Variants in PCDHB1 observed in about 807,000 individuals in gnomAD.
PCDHB1 encodes the protein protocadherin beta-1.
A neutral mutation model predicts 43.5 loss-of-function variants in PCDHB1; 44 were observed. The ratio of observed to expected loss-of-function variants is 1.01; its 90% CI spans 0.79 to 1.30. The LOEUF (loss-of-function observed/expected upper bound fraction) is 1.30, where lower values mean the gene tolerates loss of function less well. Ranked by LOEUF, PCDHB1 falls within the 50% of genes most tolerant of loss-of-function variation. The pLI is 0.00. For missense variants in PCDHB1, 919 were observed against 1,008.9 expected (o/e 0.91, Z 1.21); for synonymous variants, 392 against 400.8 (o/e 0.98, Z 0.26).
At position 141,052,122 on chromosome 5, in the gene PCDHB1, G is replaced by T; in HGVS notation, c.652G>T (p.Gly218Trp). 6.2e-7 allele frequency: 1 copy of T among 1,612,584 alleles called. No individual in the cohort carries two copies. Among genetic ancestry groups the T allele is most frequent in the South Asian group, 1.1e-5 (1 of 90,990 alleles). The change falls in exon 1 of 1, where the codon GGG becomes TGG. Residue 218 changes from glycine (G) to tryptophan (W), a missense_variant. Coordinates refer to ENST00000306549, the MANE Select transcript of PCDHB1 (RefSeq NM_013340.4). ...CTTGACAATTACGGCGGTGGACGGC[G>T]GGTCCCCGCCTAAGTCTGGCACAGC... ...VNLTITAVDGGSPPKSGTAHI... is the reference protein window; with the variant it reads ...VNLTITAVDGWSPPKSGTAHI...
rs1226779842 is a variant in PCDHB1 at position 141,058,525 on chromosome 5, CATGTTAGCCATTTTTAAGT to C, written c.*4619_*4637del. 2.0e-5 allele frequency: 3 copies of C among 151,982 alleles called. No individual in the cohort carries two copies. The highest frequency in any genetic ancestry group is 2.1e-4 in the South Asian group (1 of 4,814). 9.4% of individuals were successfully genotyped at this position (151,982 alleles called of 1,614,324 possible). A position where few individuals can be genotyped will look rare whatever the true frequency, so the allele number is the denominator to read the frequency against. On this transcript the variant is annotated 3_prime_UTR_variant, in exon 1 of 1. Coordinates refer to ENST00000306549, the MANE Select transcript of PCDHB1 (RefSeq NM_013340.4). ...GTGGTAAAGAACTTATAAAATGTACCATGTTAGCCATTTTTAAGTATGTTAGCCATTTTTAAGTAATGTT... is the reference window on the plus strand; with the variant it reads ...GTGGTAAAGAACTTATAAAATGTACCATGTTAGCCATTTTTAAGTAATGTT...
Position 141,052,106 on chromosome 5 carries a change from T to G in PCDHB1, c.636T>G (p.Ile212Met), listed in dbSNP as rs782415579. 3.7e-6 allele frequency: 6 copies of G among 1,613,646 alleles called. No homozygotes were observed. In the South Asian group the frequency reaches 6.6e-5, roughly 18 times the overall value. ...AGCAGCCTGAAGTCAACTTGACAAT[T>G]ACGGCGGTGGACGGCGGGTCCCCGC... Reference protein sequence around the residue: ...REEQPEVNLTITAVDGGSPPK... With the variant: ...REEQPEVNLTMTAVDGGSPPK... Residue 212 changes from isoleucine (I) to methionine (M), a missense_variant, in exon 1 of 1, where the codon ATT becomes ATG. Transcript: ENST00000306549.
In PCDHB1 at chr5:141,053,842, C is replaced by G. The variant is rs544976743; in HGVS notation, c.2372C>G (p.Ala791Gly). 5 of 1,614,128 alleles carry G rather than the reference C, an allele frequency of 3.1e-6. No homozygotes were observed. The South Asian group carries it at 3.3e-5, about 11-fold the overall frequency. Residue 791 changes from alanine to glycine, a missense_variant, in exon 1 of 1, where the codon GCT becomes GGT. Ala to Gly is a moderately conservative substitution (Grantham distance 60). Coordinates refer to ENST00000306549, the MANE Select transcript of PCDHB1 (RefSeq NM_013340.4). ...PHATGEIKME[A>G]GSSLPPNSDR... ...GCCACTGGGGAGATAAAAATGGAGG[C>G]TGGCTCCAGTTTGCCCCCAAATTCT... is the stretch of plus-strand genomic sequence containing the variant.
chr5:141,052,195 T>G lies in PCDHB1; in HGVS notation c.725T>G (p.Phe242Cys). The G allele has an allele frequency of 6.2e-7, 1 of 1,614,060 alleles. No individual in the cohort carries two copies. The highest frequency in any genetic ancestry group is 8.5e-7 in the Non-Finnish European group (1 of 1,180,002). Residue 242 changes from phenylalanine (F) to cysteine (C), a missense_variant, in exon 1 of 1, where the codon TTC becomes TGC. Transcript: ENST00000306549. ...VLDVNDHVPQ[F>C]SRLVYRAQVS... ...GATGTCAACGACCACGTGCCCCAGT[T>G]CTCGCGACTGGTGTACAGAGCCCAG...
chr5:141,054,098 A>G lies in PCDHB1; in HGVS notation c.*171A>G, dbSNP rs777182019. The G allele has an allele frequency of 3.5e-5, 21 of 593,124 alleles. No homozygotes were observed. The highest frequency in any genetic ancestry group is 5.9e-5 in the Non-Finnish European group (20 of 337,826). 36.7% of individuals were successfully genotyped at this position (593,124 alleles called of 1,614,324 possible). On this transcript the variant is annotated 3_prime_UTR_variant, in exon 1 of 1. Transcript: ENST00000306549. ...CCTAGAGTGAGGCTAGGCTTACTCA[A>G]TACAAAGCAGTTATCCTGATCCCCA...
rs532193937 is a variant in PCDHB1 at position 141,058,378 on chromosome 5, G to A, written c.*4451G>A. The A allele has an allele frequency of 6.6e-6, 1 of 152,218 alleles. No homozygotes were observed. Among genetic ancestry groups the A allele is most frequent in the South Asian group, 2.1e-4 (1 of 4,832 alleles). 9.4% of individuals were successfully genotyped at this position (152,218 alleles called of 1,614,324 possible). A position where few individuals can be genotyped will look rare whatever the true frequency, so the allele number is the denominator to read the frequency against. On this transcript the variant is annotated 3_prime_UTR_variant, in exon 1 of 1. Transcript: ENST00000306549. ...CTTTGTTTTCTCATTATTAAACTGA[G>A]GTAATGCATTATTGGGAAAAATACT... is the stretch of plus-strand genomic sequence containing the variant.
In PCDHB1 at chr5:141,057,082, CTT is replaced by C. The variant is rs1179645442; in HGVS notation, c.*3157_*3158del. The C allele has an allele frequency of 2.6e-5, 4 of 151,392 alleles. No homozygotes were observed. The highest frequency in any genetic ancestry group is 4.9e-5 in the African/African-American group (2 of 41,158). The allele number at this position is 151,392 out of a possible 1,614,324, so 9.4% of individuals were successfully genotyped here. On this transcript the variant is annotated 3_prime_UTR_variant, in exon 1 of 1. Coordinates refer to ENST00000306549, the MANE Select transcript of PCDHB1 (RefSeq NM_013340.4). Reference sequence around the variant, plus strand: ...ATGGTGTAGATTCATGATTTTAAGACTTTGATATTCAAATAGCAGTGAAATTC... The same window carrying C: ...ATGGTGTAGATTCATGATTTTAAGACTGATATTCAAATAGCAGTGAAATTC...
Position 141,051,886 on chromosome 5 carries a change from T to C in PCDHB1, c.416T>C (p.Leu139Pro). 1 of 1,614,196 alleles carries C rather than the reference T, an allele frequency of 6.2e-7. No homozygotes were observed. The highest frequency in any genetic ancestry group is 8.5e-7 in the Non-Finnish European group (1 of 1,180,038). The change falls in exon 1 of 1, where the codon CTT (leucine) becomes CCT (proline). Residue 139 changes from leucine (L) to proline (P), a missense_variant. Leu to Pro is a moderately conservative substitution (Grantham distance 98). Coordinates refer to ENST00000306549, the MANE Select transcript of PCDHB1 (RefSeq NM_013340.4). ...NAPVFLNKEP[L>P]LKIPESTPLG... ...CCAGTTTTCCTAAACAAGGAGCCGC[T>C]TTTAAAGATTCCGGAGAGCACCCCT...
At position 141,058,486 on chromosome 5, in the gene PCDHB1, T is replaced by TTAATC. The variant is rs1563798894; in HGVS notation, c.*4560_*4561insAATCT. On this transcript the variant is annotated 3_prime_UTR_variant, in exon 1 of 1. Coordinates refer to ENST00000306549, the MANE Select transcript of PCDHB1 (RefSeq NM_013340.4). ...TGTCACACTACTGGTGATATTAATC[T>TTAATC]TTTTTCTTTTATTGTGGTAAAGAAC... is the stretch of plus-strand genomic sequence containing the variant. The TTAATC allele has an allele frequency of 2.0e-5, 2 of 98,536 alleles. No individual in the cohort carries two copies. Among genetic ancestry groups the TTAATC allele is most frequent in the African/African-American group, 5.7e-5 (2 of 35,120 alleles). The allele number at this position is 98,536 out of a possible 1,614,324, so 6.1% of individuals were successfully genotyped here.
In PCDHB1 at chr5:141,052,415, C is replaced by T. The variant is rs782187611; in HGVS notation, c.945C>T (p.Tyr315=). 1.5e-5 allele frequency: 24 copies of T among 1,614,178 alleles called. No individual in the cohort carries two copies. The highest frequency in any genetic ancestry group is 1.1e-4 in the South Asian group (10 of 91,084). ...TCGATTTTGAAGCCATTGAAACATA[C>T]GACATTGACATTCAAGCTACAGATG... ...GPLDFEAIET[Y]DIDIQATDGG... The change falls in exon 1 of 1, where the codon TAC becomes TAT. Residue 315 remains tyrosine, a synonymous_variant. Transcript: ENST00000306549.
chr5:141,053,326 A>G lies in PCDHB1; in HGVS notation c.1856A>G (p.Gln619Arg), dbSNP rs1216227793. The G allele has an allele frequency of 6.2e-7, 1 of 1,614,208 alleles. No individual in the cohort carries two copies. The highest frequency in any genetic ancestry group is 1.3e-5 in the African/African-American group (1 of 75,052). The change falls in exon 1 of 1, where the codon CAA becomes CGA. Residue 619 changes from glutamine (Q) to arginine (R), a missense_variant. Physicochemically the swap from Gln to Arg is conservative, Grantham distance 43. Coordinates refer to ENST00000306549, the MANE Select transcript of PCDHB1 (RefSeq NM_013340.4). ...KATDLGLFSVQRQNGEIHTLR... is the reference protein window; with the variant it reads ...KATDLGLFSVRRQNGEIHTLR... ...ACTGACCTTGGGTTATTTTCTGTTC[A>G]AAGACAAAATGGAGAAATCCATACA...
Position 141,052,952 on chromosome 5 carries a change from A to G in PCDHB1, c.1482A>G (p.Pro494=), listed in dbSNP as rs782738632. 46 of 1,614,024 alleles carry G rather than the reference A, an allele frequency of 2.9e-5. No homozygotes were observed. The highest frequency in any genetic ancestry group is 3.6e-5 in the Non-Finnish European group (43 of 1,179,990). The part of the protein sequence containing the change: ...NAQITYSLLP[P]KNGDLSVFAY... Reference sequence around the variant, plus strand: ...AAATAACATATTCTCTGTTGCCTCCAAAAAACGGAGATCTTTCAGTCTTTG... The same window carrying G: ...AAATAACATATTCTCTGTTGCCTCCGAAAAACGGAGATCTTTCAGTCTTTG... The change falls in exon 1 of 1, where the codon CCA becomes CCG. Residue 494 remains proline, a synonymous_variant. Coordinates refer to ENST00000306549, the MANE Select transcript of PCDHB1 (RefSeq NM_013340.4).
rs781783516 is a variant in PCDHB1 at position 141,052,875 on chromosome 5, G to C, written c.1405G>C (p.Val469Leu). Residue 469 changes from valine to leucine, a missense_variant, in exon 1 of 1, where the codon GTT becomes CTT. Physicochemically the swap from Val to Leu is conservative, Grantham distance 32. Transcript: ENST00000306549. ...TGTTCGAGAAAACAACAGTCCTGCG[G>C]TTTTTATTGGCAAAGTCCATGCTGA... Reference protein sequence around the residue: ...LTVRENNSPAVFIGKVHAEDL... With the variant: ...LTVRENNSPALFIGKVHAEDL... The C allele has an allele frequency of 1.9e-6, 3 of 1,614,198 alleles. No individual in the cohort carries two copies. Among genetic ancestry groups the C allele is most frequent in the Non-Finnish European group, 1.7e-6 (2 of 1,180,034 alleles).
In PCDHB1 at chr5:141,051,799, T is replaced by C. The variant is rs1433147201; in HGVS notation, c.329T>C (p.Leu110Pro). Residue 110 changes from leucine to proline, a missense_variant, in exon 1 of 1, where the codon CTG becomes CCG. Transcript: ENST00000306549. ...DPCVLHFEVV[L>P]VEPLQSFRAE... ...TGTGTTCTGCACTTTGAAGTAGTCC[T>C]GGTGGAGCCGCTGCAGTCCTTCCGG... 6.2e-7 allele frequency: 1 copy of C among 1,614,248 alleles called. No homozygotes were observed. Among genetic ancestry groups the C allele is most frequent in the Non-Finnish European group, 8.5e-7 (1 of 1,180,040 alleles).
rs1554267446 is a variant in PCDHB1, at chr5:141,053,372, A to G, written c.1902A>G (p.Arg634=). Residue 634 remains arginine (R), a synonymous_variant, in exon 1 of 1, where the codon AGA becomes AGG. Coordinates refer to ENST00000306549, the MANE Select transcript of PCDHB1 (RefSeq NM_013340.4). ...EIHTLRQISE[R]DPMMQKLIIL... The stretch of plus-strand genomic sequence containing the variant: ...ATACATTAAGGCAGATATCTGAGAG[A>G]GACCCCATGATGCAGAAATTGATCA... 6.2e-7 allele frequency: 1 copy of G among 1,614,202 alleles called. No individual in the cohort carries two copies. The highest frequency in any genetic ancestry group is 1.7e-5 in the Admixed American group (1 of 60,020).
In PCDHB1 at chr5:141,052,376, A is replaced by T. The variant is rs569302287; in HGVS notation, c.906A>T (p.Arg302=). 6.2e-7 allele frequency: 1 copy of T among 1,614,220 alleles called. No homozygotes were observed. The highest frequency in any genetic ancestry group is 1.7e-5 in the Admixed American group (1 of 60,026). ...TTGACCCTCAAAATGGAGAAGTTCG[A>T]CTAAGAGGACCCCTCGATTTTGAAG... ...FQIDPQNGEV[R]LRGPLDFEAI... Residue 302 remains arginine (R), a synonymous_variant, in exon 1 of 1, where the codon CGA becomes CGT. Coordinates refer to ENST00000306549, the MANE Select transcript of PCDHB1 (RefSeq NM_013340.4).
rs1345701480 is a variant in PCDHB1, at chr5:141,052,124, G to C, written c.654G>C (p.Gly218=). ...TGACAATTACGGCGGTGGACGGCGG[G>C]TCCCCGCCTAAGTCTGGCACAGCTC... The part of the protein sequence containing the change: ...VNLTITAVDG[G]SPPKSGTAHI... Residue 218 remains glycine (G), a synonymous_variant, in exon 1 of 1, where the codon GGG becomes GGC. Coordinates refer to ENST00000306549, the MANE Select transcript of PCDHB1 (RefSeq NM_013340.4). 1 of 1,612,670 alleles carries C rather than the reference G, an allele frequency of 6.2e-7. No homozygotes were observed. Among genetic ancestry groups the C allele is most frequent in the African/African-American group, 1.3e-5 (1 of 74,874 alleles).
At position 141,053,449 on chromosome 5, in the gene PCDHB1, A is replaced by G; in HGVS notation, c.1979A>G (p.Asn660Ser). 8 of 1,614,192 alleles carry G rather than the reference A, an allele frequency of 5.0e-6. No individual in the cohort carries two copies. The highest frequency in any genetic ancestry group is 5.9e-6 in the Non-Finnish European group (7 of 1,180,024). Residue 660 changes from asparagine (N) to serine (S), a missense_variant, in exon 1 of 1, where the codon AAC becomes AGC. Physicochemically the swap from Asn to Ser is conservative, Grantham distance 46 (BLOSUM62 1). Transcript: ENST00000306549. ...QPALSTTVSL[N>S]ILLVDGFSEP... ...GCTCTTTCCACTACTGTCTCACTCA[A>G]CATCCTGCTGGTAGATGGCTTTTCA...
In PCDHB1 at chr5:141,052,490, G is replaced by C; in HGVS notation, c.1020G>C (p.Val340=). The C allele has an allele frequency of 6.2e-7, 1 of 1,614,184 alleles. No homozygotes were observed. The highest frequency in any genetic ancestry group is 8.5e-7 in the Non-Finnish European group (1 of 1,180,030). ...HSKVLVEVVD[V]NDNPPEVMVS... is the part of the protein sequence containing the mutation. ...AAGTCCTGGTAGAAGTGGTGGATGT[G>C]AATGACAATCCTCCCGAAGTGATGG... The change falls in exon 1 of 1, where the codon GTG becomes GTC. Residue 340 remains valine (V), a synonymous_variant. Coordinates refer to ENST00000306549, the MANE Select transcript of PCDHB1 (RefSeq NM_013340.4).
Sources: gnomAD v4.1 joint callset for allele counts on GRCh38, gnomAD v4.1.1 for gene constraint, MANE v1.5 for transcripts, NCBI Gene and HGNC (gene_info 2026-07-23, HGNC 2026-07-21) for gene names.